RAB40B: variants seen among roughly 807,000 people sequenced by gnomAD.
The protein encoded by RAB40B is ras-related protein Rab-40B.
RAB40B carries 21 observed loss-of-function variants against 24.0 expected under a neutral mutation model. That is an observed-to-expected ratio of 0.88 (90% CI 0.62 to 1.26). The LOEUF is 1.26. Ranked by LOEUF, RAB40B falls within the 50% of genes most tolerant of loss-of-function variation. The pLI, the probability that RAB40B is intolerant of heterozygous loss-of-function variation, is 0.00. For missense variants in RAB40B, 348 were observed against 390.5 expected, an observed-to-expected ratio of 0.89 and a Z score of 0.92; for synonymous variants, 167 against 169.8, an observed-to-expected ratio of 0.98 and a Z score of 0.13.
At chr17:82,681,082 A>G (rs963503642) in intron 1 of RAB40B, among the ~76,000 whole-genome samples, 10 of 151,108 alleles carry the variant, frequency 6.6e-5, no homozygotes, top group African/African-American at 1.9e-4. Context: ...TTTGAGAGAA[A>G]ATTAGCTAAA....
intron 1 of RAB40B, among the ~76,000 whole-genome samples, chr17:82,672,503 C>A (rs2143504736): frequency 6.6e-6 from 1 of 152,374 alleles, no homozygotes; most frequent in South Asian, 2.1e-4. Context: ...GTCCGCTAAA[C>A]TTCACGTTAG....
chr17:82,662,102 G>A (rs760490139), intron 2 of RAB40B: 38 of 985,254 alleles, frequency 3.9e-5, no homozygotes, highest in South Asian at 9.4e-5. Flanking sequence ...GCGGTGGGAC[G>A]CGGCATGGTT....
intron 4 of RAB40B, chr17:82,659,094 T>G: frequency 3.8e-6 from 1 of 263,522 alleles, no homozygotes; most frequent in East Asian, 8.5e-5. Context: ...GGTTTTGGGC[T>G]CTGGCCTCCA....
chr17:82,669,322 G>A (rs1395627396), intron 1 of RAB40B, among the ~76,000 whole-genome samples: 1 of 151,884 alleles, frequency 6.6e-6, no homozygotes, highest in South Asian at 2.1e-4. Context: ...CTAAAAATAC[G>A]AAATTAGCCG....
intron 1 of RAB40B, among the ~76,000 whole-genome samples, chr17:82,665,563 A>G (rs1157724400): frequency 6.6e-6 from 1 of 152,002 alleles, no homozygotes; most frequent in Non-Finnish European, 1.5e-5. Flanking sequence ...CACTTCTTCT[A>G]AAATAAAAAG....
At chr17:82,661,809 C>G (rs2046175842) in intron 2 of RAB40B, 3 of 601,492 alleles carry the variant, frequency 5.0e-6, no homozygotes, top group Non-Finnish European at 6.2e-6. Flanking sequence ...ATTGTTTGAG[C>G]CCGGCAGGCG....
intron 1 of RAB40B, among the ~76,000 whole-genome samples, chr17:82,671,241 AC>A (rs1213289456): frequency 6.7e-6 from 1 of 150,170 alleles, no homozygotes; most frequent in Non-Finnish European, 1.5e-5. Context: ...TCACTGACAC[AC>A]CCCAACCCTG....
At chr17:82,686,091 C>T (rs1417471778) in intron 1 of RAB40B, among the ~76,000 whole-genome samples, 33 of 146,224 alleles carry the variant, frequency 2.3e-4, no homozygotes, top group South Asian at 1.1e-3. Flanking sequence ...CGTGAGCCAC[C>T]GCACCCAGCC....
intron 1 of RAB40B, among the ~76,000 whole-genome samples, chr17:82,670,178 CTTTTTTTT>C: frequency 1.2e-5 from 1 of 81,304 alleles, no homozygotes; most frequent in Non-Finnish European, 2.3e-5. Flanking sequence ...GGCCAACAAT[CTTTTTTTT>C]TTTTTTTTTT....
At chr17:82,683,357 T>C (rs1221291322) in intron 1 of RAB40B, among the ~76,000 whole-genome samples, 2 of 152,126 alleles carry the variant, frequency 1.3e-5, no homozygotes, top group Non-Finnish European at 2.9e-5. Context: ...CTTTAAAAGA[T>C]ACTAAATGGA....
In RAB40B at chr17:82,697,744, A is replaced by C. The variant is rs959143273; in HGVS notation, c.142+711T>G. ...CCCCCTCGCCGGGCGCCGGCTTTCAAGCCTCAAACTTGGGGGATCCCCGGG... is the reference window on the plus strand; with the variant it reads ...CCCCCTCGCCGGGCGCCGGCTTTCACGCCTCAAACTTGGGGGATCCCCGGG... On this transcript the variant is annotated intron_variant, in intron 1 of 5. Coordinates refer to ENST00000571995, the MANE Select transcript of RAB40B (RefSeq NM_006822.3). This position sits in a 1 kb window ranked among gnomAD's most constrained non-coding sequence, Gnocchi z 4.9. 2.6e-5 allele frequency among the ~76,000 whole-genome samples: 4 copies of C among 151,958 alleles called. No individual in the cohort carries two copies. Among genetic ancestry groups the C allele is most frequent in the East Asian group, 3.9e-4 (2 of 5,152 alleles).
At chr17:82,680,487 C>T (rs2046438717) in intron 1 of RAB40B, among the ~76,000 whole-genome samples, 1 of 152,128 alleles carries the variant, frequency 6.6e-6, no homozygotes, top group East Asian at 1.9e-4. Flanking sequence ...ACACTCTTTG[C>T]TTCTGAAGTT....
At chr17:82,662,153 C>T (rs1410155909) in intron 2 of RAB40B, 3 of 985,352 alleles carry the variant, frequency 3.0e-6, no homozygotes, top group Non-Finnish European at 3.6e-6. Flanking sequence ...GGTGACCACC[C>T]TCAGCACGAG....
rs147243199 is a variant in RAB40B, at chr17:82,676,585, C to T, written c.143-12029G>A. ...ATGGGTCCTGTTTTGAGGCTTACCC[C>T]CGCCAGTTTGACATCTCTGCTTCAG... is the stretch of plus-strand genomic sequence containing the variant. On this transcript the variant is annotated intron_variant, in intron 1 of 5. Coordinates refer to ENST00000571995, the MANE Select transcript of RAB40B (RefSeq NM_006822.3). Among the ~76,000 whole-genome samples, 1,361 of 152,208 alleles carry T rather than the reference C, an allele frequency of 8.9e-3. 26 individuals carry two copies. The highest frequency in any genetic ancestry group is 0.031 in the African/African-American group (1,290 of 41,532).
In RAB40B at chr17:82,657,384, C is replaced by G; in HGVS notation, c.*479G>C. 2 of 300,620 alleles carry G rather than the reference C, an allele frequency of 6.7e-6. No homozygotes were observed. The highest frequency in any genetic ancestry group is 6.0e-5 in the South Asian group (2 of 33,394). The allele number at this position is 300,620 out of a possible 1,614,324, so 18.6% of individuals were successfully genotyped here. On this transcript the variant is annotated 3_prime_UTR_variant, in exon 6 of 6. Coordinates refer to ENST00000571995, the MANE Select transcript of RAB40B (RefSeq NM_006822.3). The stretch of plus-strand genomic sequence containing the variant: ...AACTGGACAGATCAGTTGCACATAA[C>G]CTCTACATCTGCAGCGTTTTATAAA...
At chr17:82,688,558 G>C (rs1246898652) in intron 1 of RAB40B, among the ~76,000 whole-genome samples, 2 of 152,084 alleles carry the variant, frequency 1.3e-5, no homozygotes, top group Non-Finnish European at 2.9e-5. Context: ...GGAGGGTGCA[G>C]TGAGCTAAGA....
rs889088242 is a variant in RAB40B, at chr17:82,656,357, C to T, written c.*1506G>A. The T allele has an allele frequency of 1.3e-5, 2 of 152,242 alleles. No individual in the cohort carries two copies. The highest frequency in any genetic ancestry group is 2.9e-5 in the Non-Finnish European group (2 of 68,076). The allele number at this position is 152,242 out of a possible 1,614,324, so 9.4% of individuals were successfully genotyped here. On this transcript the variant is annotated 3_prime_UTR_variant, in exon 6 of 6. Coordinates refer to ENST00000571995, the MANE Select transcript of RAB40B (RefSeq NM_006822.3). ...GTCCCTCATTTGCGACCCCCAGCCA[C>T]AGAGAAACGTTCAACAGTGTGACCA...
chr17:82,671,039 C>T (rs1320559258), intron 1 of RAB40B, among the ~76,000 whole-genome samples: 3 of 151,954 alleles, frequency 2.0e-5, no homozygotes, highest in Non-Finnish European at 2.9e-5. Flanking sequence ...GAAGAACATA[C>T]TTACATTCCT....
At chr17:82,668,129 G>A (rs1249853042) in intron 1 of RAB40B, 1 of 154,234 alleles carries the variant, frequency 6.5e-6, no homozygotes, top group African/African-American at 2.4e-5. Context: ...TCTCTCTGCA[G>A]GCAGGTCGTC....
Sources: allele counts gnomAD v4.1 joint callset (sites outside exome capture counted in the v4.1 genomes callset), GRCh38; gene constraint gnomAD v4.1.1; non-coding constraint Gnocchi (gnomAD v3.1); transcripts MANE v1.5; gene names NCBI Gene and HGNC (gene_info 2026-07-23, HGNC 2026-07-21).